Variants in FAM3D observed in about 807,000 individuals in gnomAD.
FAM3D encodes FAM3 metabolism regulating signaling molecule D, also known as protein FAM3D.
A neutral mutation model predicts 29.8 loss-of-function variants in FAM3D; 26 were observed. That is an observed-to-expected ratio of 0.87 (90% confidence interval 0.64 to 1.21). FAM3D has a LOEUF of 1.21. FAM3D is among the 50% of genes most tolerant of loss of function. The pLI, the probability that FAM3D is intolerant of heterozygous loss-of-function variation, is 0.00. For synonymous variants in FAM3D, 115 were observed against 102.3 expected, an observed-to-expected ratio of 1.12 and a Z score of -0.75; for missense variants, 253 against 290.9, an observed-to-expected ratio of 0.87 and a Z score of 0.95.
intron 1 of FAM3D, among the ~76,000 whole-genome samples, chr3:58,664,093 C>CAGATAAAGCG (rs2066984233): frequency 3.3e-5 from 1 of 30,070 alleles, no homozygotes; most frequent in African/African-American, 6.5e-5. Flanking sequence ...AAGCTTCTCT[C>CAGATAAAGCG]TACCGTTCAT....
At chr3:58,656,026 A>G (rs2066786503) in intron 1 of FAM3D, among the ~76,000 whole-genome samples, 1 of 151,974 alleles carries the variant, frequency 6.6e-6, no homozygotes, top group African/African-American at 2.4e-5. Context: ...CCATCTGTCT[A>G]TCCTCTATCT....
intron 4 of FAM3D, among the ~76,000 whole-genome samples, chr3:58,649,068 G>C (rs1319742987): frequency 6.6e-6 from 1 of 152,194 alleles, no homozygotes; most frequent in Non-Finnish European, 1.5e-5. Context: ...AGAAGGGGCA[G>C]AGTTGAACTG....
In FAM3D at chr3:58,653,752, CAA is replaced by C. The variant is rs2066713413; in HGVS notation, c.41_42del (p.Phe14CysfsTer37). 1 of 1,613,874 alleles carries C rather than the reference CAA, an allele frequency of 6.2e-7. No homozygotes were observed. The highest frequency in any genetic ancestry group is 8.5e-7 in the Non-Finnish European group (1 of 1,180,044). ...SGVLRLLALI[F>X]AIVTTWMFIR... ...ATAAACATCCATGTCGTGACTATGG[CAA>C]AGATGAGGGCCAGGAGGCGAAGCAC... On this transcript the variant is annotated frameshift_variant, in exon 3 of 10. Transcript: ENST00000358781. LOFTEE classifies it high-confidence loss of function.
chr3:58,646,642 T>C (rs1170063162), intron 4 of FAM3D, among the ~76,000 whole-genome samples: 1 of 152,212 alleles, frequency 6.6e-6, no homozygotes, highest in Non-Finnish European at 1.5e-5. Flanking sequence ...AAACGGGGGT[T>C]GGGCAGCCTT....
chr3:58,646,027 G>T (rs2066469745), intron 4 of FAM3D, among the ~76,000 whole-genome samples: 1 of 152,228 alleles, frequency 6.6e-6, no homozygotes, highest in Non-Finnish European at 1.5e-5. Context: ...CCCTGGCGGG[G>T]TGAGTGGGAG....
intron 9 of FAM3D, 86 bp downstream of exon 9, chr3:58,636,208 C>T (rs6791782): frequency 0.99 from 1,533,889 of 1,542,060 alleles, 763,206 homozygotes; most frequent in East Asian, 1. Context: ...TTTAAGGCCC[C>T]TGGGAGGTGA....
At chr3:58,641,810 T>C (rs549367306) in intron 6 of FAM3D, among the ~76,000 whole-genome samples, 1 of 152,354 alleles carries the variant, frequency 6.6e-6, no homozygotes, top group South Asian at 2.1e-4. Flanking sequence ...TTGATGGTTA[T>C]TTTCATCCTT....
intron 3 of FAM3D, among the ~76,000 whole-genome samples, chr3:58,653,269 T>TG (rs955437685): frequency 1.3e-5 from 2 of 151,982 alleles, no homozygotes; most frequent in Admixed American, 6.5e-5. Context: ...GGAGGGCAGG[T>TG]GGGGGGGATC....
At chr3:58,650,828 C>T (rs1198476019) in intron 3 of FAM3D, among the ~76,000 whole-genome samples, 2 of 152,228 alleles carry the variant, frequency 1.3e-5, no homozygotes, top group African/African-American at 4.8e-5. Context: ...CGCCATTCTC[C>T]TGCCTCAACC....
chr3:58,665,100 T>C (rs576631387), intron 1 of FAM3D, among the ~76,000 whole-genome samples: 29 of 152,222 alleles, frequency 1.9e-4, no homozygotes, highest in African/African-American at 4.3e-4. Context: ...TGTGTAAAGA[T>C]GGAGTTGAGC....
intron 4 of FAM3D, among the ~76,000 whole-genome samples, chr3:58,647,174 A>G (rs2066506829): frequency 6.6e-6 from 1 of 152,170 alleles, no homozygotes; most frequent in Non-Finnish European, 1.5e-5. Flanking sequence ...CAGCACACAC[A>G]TGTGATGGGT....
rs2066450562 is a variant in FAM3D, at chr3:58,645,501, GT to G, written c.263+7del. ...TAAAATAAACATAGTTGTGTCTTAG[GT>G]ACTTACATGCGGTCTTCAAAGCACA... On this transcript the variant is annotated splice_region_variant and intron_variant, in intron 5 of 9. Coordinates refer to ENST00000358781, the MANE Select transcript of FAM3D (RefSeq NM_138805.3). 23 of 1,586,918 alleles carry G rather than the reference GT, an allele frequency of 1.4e-5. No individual in the cohort carries two copies. Among genetic ancestry groups the G allele is most frequent in the Non-Finnish European group, 2.0e-5 (23 of 1,159,064 alleles).
At chr3:58,664,036 T>C (rs892380267) in intron 1 of FAM3D, among the ~76,000 whole-genome samples, 1 of 151,656 alleles carries the variant, frequency 6.6e-6, no homozygotes, top group African/African-American at 2.4e-5. Flanking sequence ...GGGAGAGGAG[T>C]GTGGTGGCCA....
chr3:58,658,250 G>A (rs1464703584), intron 1 of FAM3D, among the ~76,000 whole-genome samples: 1 of 152,182 alleles, frequency 6.6e-6, no homozygotes, highest in Non-Finnish European at 1.5e-5. Flanking sequence ...AGGAAGTGCT[G>A]GATGAATATT....
chr3:58,662,143 G>C (rs1445481300), intron 1 of FAM3D, among the ~76,000 whole-genome samples: 1 of 125,828 alleles, frequency 7.9e-6, no homozygotes, highest in South Asian at 2.8e-4. Context: ...TCAGGGTGGG[G>C]CTGGGTGGAG....
chr3:58,662,963 A>T (rs182933139), intron 1 of FAM3D, among the ~76,000 whole-genome samples: 216 of 152,292 alleles, frequency 1.4e-3, no homozygotes, highest in Non-Finnish European at 2.3e-3. Context: ...TGCAGTGGCG[A>T]TCTCAGCTCA....
intron 5 of FAM3D, among the ~76,000 whole-genome samples, chr3:58,644,603 A>T (rs1037298242): frequency 6.6e-6 from 1 of 152,214 alleles, no homozygotes; most frequent in Non-Finnish European, 1.5e-5. Flanking sequence ...ACGCTGGGCT[A>T]GGCTTGGTCA....
At chr3:58,666,320 C>T (rs534933444) in intron 1 of FAM3D, among the ~76,000 whole-genome samples, 4 of 152,282 alleles carry the variant, frequency 2.6e-5, no homozygotes, top group South Asian at 2.1e-4. Flanking sequence ...TGCCTGAGCC[C>T]GAACCCAGCC....
chr3:58,634,429 C>G lies in FAM3D; in HGVS notation c.586-61G>C. ...AGTGAGGCTGTTCAGAACTCATGCC[C>G]ACATGGACACTGTGCTCTAAACCTA... is the stretch of plus-strand genomic sequence containing the variant. On this transcript the variant is annotated intron_variant, in intron 9 of 9. Transcript: ENST00000358781. The surrounding 1 kb of genome is among the most constrained non-coding windows in gnomAD (Gnocchi z 4.6). The G allele has an allele frequency of 6.9e-7, 1 of 1,443,986 alleles. No homozygotes were observed. Among genetic ancestry groups the G allele is most frequent in the Non-Finnish European group, 9.7e-7 (1 of 1,036,006 alleles). 89.4% of individuals were successfully genotyped at this position (1,443,986 alleles called of 1,614,324 possible). A position where few individuals can be genotyped will look rare whatever the true frequency, so the allele number is the denominator to read the frequency against.
Sources: allele counts gnomAD v4.1 joint callset (sites outside exome capture counted in the v4.1 genomes callset), GRCh38; gene constraint gnomAD v4.1.1; non-coding constraint Gnocchi (gnomAD v3.1); transcripts MANE v1.5; gene names NCBI Gene and HGNC (gene_info 2026-07-23, HGNC 2026-07-21).